FSCN2: variants seen among roughly 807,000 people sequenced by gnomAD.
The protein encoded by FSCN2 is fascin actin-bundling protein 2, retinal.
A neutral mutation model predicts 37.8 loss-of-function variants in FSCN2; 46 were observed. The ratio of observed to expected loss-of-function variants is 1.22; its 90% CI spans 0.96 to 1.56. FSCN2 has a LOEUF of 1.56. FSCN2 is among the 40% of genes most tolerant of loss of function. FSCN2 has a pLI of 0.00. For synonymous variants in FSCN2, 351 were observed against 309.4 expected, an observed-to-expected ratio of 1.13 and a Z score of -1.41; for missense variants, 844 against 730.4, an observed-to-expected ratio of 1.16 and a Z score of -1.79.
the FSCN2 span, among the ~76,000 whole-genome samples, chr17:81,522,813 T>A: frequency 1.3e-5 from 2 of 152,194 alleles, no homozygotes; most frequent in African/African-American, 4.8e-5. Flanking sequence ...TGAAAGTTGA[T>A]CTGTTCGTCA....
the FSCN2 span, among the ~76,000 whole-genome samples, chr17:81,517,445 G>A: frequency 6.6e-6 from 1 of 152,202 alleles, no homozygotes; most frequent in Admixed American, 6.5e-5. Flanking sequence ...AGGAAGTCTG[G>A]GGACAGGAGG....
chr17:81,519,265 C>T, the FSCN2 span, among the ~76,000 whole-genome samples: 1 of 152,172 alleles, frequency 6.6e-6, no homozygotes, highest in Non-Finnish European at 1.5e-5. Flanking sequence ...TCGACCTCTC[C>T]TGACCGCCAG....
chr17:81,516,102 C>T, the FSCN2 span, among the ~76,000 whole-genome samples: 4 of 152,256 alleles, frequency 2.6e-5, no homozygotes, highest in Non-Finnish European at 5.9e-5. Context: ...CCTAGGCCTT[C>T]CAAAGTGCTG....
At chr17:81,519,549 C>T in the FSCN2 span, among the ~76,000 whole-genome samples, 1 of 152,146 alleles carries the variant, frequency 6.6e-6, no homozygotes, top group South Asian at 2.1e-4. Context: ...GCCGCGAGGC[C>T]GCACCTGTCG....
chr17:81,536,958 T>A lies in FSCN2; in HGVS notation c.1357T>A (p.Phe453Ile), dbSNP rs761786791. The A allele has an allele frequency of 6.4e-7, 1 of 1,558,144 alleles. No individual in the cohort carries two copies. The highest frequency in any genetic ancestry group is 2.5e-5 in the East Asian group (1 of 40,214). Residue 453 changes from phenylalanine (F) to isoleucine (I), a missense_variant, in exon 5 of 5, where the codon TTC (phenylalanine) becomes ATC (isoleucine). By Grantham distance (21) the Phe-to-Ile change is conservative. Coordinates refer to ENST00000417245, the MANE Select transcript of FSCN2 (RefSeq NM_012418.4). ...GERAEDFVFEFRERGRLAIRA... is the reference protein window; with the variant it reads ...GERAEDFVFEIRERGRLAIRA... ...ACGCGCCGAGGACTTCGTCTTCGAGTTCCGTGAGCGCGGCCGCCTGGCCAT... is the reference window on the plus strand; with the variant it reads ...ACGCGCCGAGGACTTCGTCTTCGAGATCCGTGAGCGCGGCCGCCTGGCCAT...
chr17:81,523,700 T>A (rs982498560), upstream of FSCN2: 6 of 152,308 alleles, frequency 3.9e-5, no homozygotes, highest in African/African-American at 1.4e-4. Flanking sequence ...GGCCTGGCAC[T>A]GAGGTGGGGG....
Position 81,536,883 on chromosome 17 carries a change from G to A in FSCN2, c.1282G>A (p.Gly428Arg), listed in dbSNP as rs776065354. 5.0e-5 allele frequency: 78 copies of A among 1,572,554 alleles called. 7 individuals carry two copies. The South Asian group carries it at 8.0e-4, about 16-fold the overall frequency. ...GCCGTCCCGTCCCCCAGGCCGCGAC[G>A]GAGGGTTCTGGTACACGGGCAGCCA... The part of the protein sequence containing the change: ...DGAYRIRGRD[G>R]GFWYTGSHGS... Residue 428 changes from glycine to arginine, a missense_variant, in exon 5 of 5, where the codon GGA becomes AGA. Physicochemically the swap from Gly to Arg is moderately radical, Grantham distance 125. Transcript: ENST00000417245.
chr17:81,531,848 G>GATA, intron 1 of FSCN2, among the ~76,000 whole-genome samples: 1 of 131,692 alleles, frequency 7.6e-6, no homozygotes, highest in African/African-American at 3.8e-5. Flanking sequence ...TGGTGGTGAT[G>GATA]GTGATGGTGG....
At chr17:81,519,951 G>T in the FSCN2 span, among the ~76,000 whole-genome samples, 1 of 152,230 alleles carries the variant, frequency 6.6e-6, no homozygotes, top group Admixed American at 6.5e-5. Context: ...AAAGGAAGGG[G>T]CTGAGAGGCT....
intron 1 of FSCN2, chr17:81,530,682 TG>T: frequency 2.1e-6 from 1 of 485,620 alleles, no homozygotes; most frequent in Admixed American, 2.4e-5. Context: ...CCAGGCCCCC[TG>T]GGTACACTGA....
chr17:81,531,336 A>ATGGTGATGATGGTGGTGGTGGTGGTGG (rs1568077174), intron 1 of FSCN2, among the ~76,000 whole-genome samples: 9 of 45,470 alleles, frequency 2.0e-4, no homozygotes, highest in African/African-American at 7.3e-4. Context: ...GGTGGTGGTG[A>ATGGTGATGATGGTGGTGGTGGTGGTGG]TGGTGGTGGT....
rs782420651 is a variant in FSCN2, at chr17:81,528,948, G to A, written c.417G>A (p.Pro139=). ...GGACCGTGCACCTGGCCATCCACCCGCAGGCCCACCTGCTGAGCGTGAGCC... is the reference window on the plus strand; with the variant it reads ...GGACCGTGCACCTGGCCATCCACCCACAGGCCCACCTGCTGAGCGTGAGCC... ...ELWTVHLAIH[P]QAHLLSVSRR... The change falls in exon 1 of 5, where the codon CCG becomes CCA. Residue 139 remains proline (P), a synonymous_variant. Coordinates refer to ENST00000417245, the MANE Select transcript of FSCN2 (RefSeq NM_012418.4). The A allele has an allele frequency of 3.7e-5, 59 of 1,590,130 alleles. No individual in the cohort carries two copies. Among genetic ancestry groups the A allele is most frequent in the African/African-American group, 5.4e-5 (4 of 74,658 alleles).
rs2032454308 is a variant in FSCN2 at position 81,529,032 on chromosome 17, G to A, written c.501G>A (p.Lys167=). 10 of 1,588,828 alleles carry A rather than the reference G, an allele frequency of 6.3e-6. No homozygotes were observed. Among genetic ancestry groups the A allele is most frequent in the Middle Eastern group, 1.7e-4 (1 of 6,038 alleles). Residue 167 remains lysine (K), a synonymous_variant, in exon 1 of 5, where the codon AAG becomes AAA. Transcript: ENST00000417245. ...ACGAGATGGCCGCAGACGGAGACAAGCCCTGGGGCGTGGACGCCCTCCTCA... is the reference window on the plus strand; with the variant it reads ...ACGAGATGGCCGCAGACGGAGACAAACCCTGGGGCGTGGACGCCCTCCTCA... ...REDEMAADGD[K]PWGVDALLTL...
At chr17:81,515,147 C>A in the FSCN2 span, among the ~76,000 whole-genome samples, 225 of 152,204 alleles carry the variant, frequency 1.5e-3, 6 homozygotes, top group East Asian at 0.037. Context: ...AGGGCGAGGC[C>A]TGGAGCCCGC....
At chr17:81,529,589 A>G in intron 1 of FSCN2, 1 of 747,688 alleles carries the variant, frequency 1.3e-6, no homozygotes, top group Non-Finnish European at 2.5e-6. Context: ...GTCAGAGGCA[A>G]GGGTTCCTGG....
chr17:81,532,752 ATGATGG>A (rs1568080007), intron 1 of FSCN2, among the ~76,000 whole-genome samples: 1 of 144,854 alleles, frequency 6.9e-6, no homozygotes. Context: ...GATGACAGTG[ATGATGG>A]TGATGGTGGT....
At position 81,536,335 on chromosome 17, in the gene FSCN2, C is replaced by T. The variant is rs1759670804; in HGVS notation, c.1105+68C>T. 5.9e-6 allele frequency: 9 copies of T among 1,531,694 alleles called. No homozygotes were observed. The Admixed American group carries it at 7.8e-5, about 13-fold the overall frequency. The allele number at this position is 1,531,694 out of a possible 1,614,324, so 94.9% of individuals were successfully genotyped here. A position where few individuals can be genotyped will look rare whatever the true frequency, so the allele number is the denominator to read the frequency against. The stretch of plus-strand genomic sequence containing the variant: ...CACCCAGGGAAAGGACCTGCCCAGA[C>T]ACCCCATCTCCACCAAGAGCTGGAC... On this transcript the variant is annotated intron_variant, in intron 3 of 4. Transcript: ENST00000417245.
At chr17:81,522,693 G>A in the FSCN2 span, among the ~76,000 whole-genome samples, 1 of 151,450 alleles carries the variant, frequency 6.6e-6, no homozygotes, top group African/African-American at 2.4e-5. Flanking sequence ...GCAGGGGCTG[G>A]GCAGAGGCCG....
intron 1 of FSCN2, among the ~76,000 whole-genome samples, chr17:81,531,243 A>ATGGTGG: frequency 1.5e-5 from 1 of 66,576 alleles, no homozygotes; most frequent in Admixed American, 1.5e-4. Flanking sequence ...GATGGTGGTG[A>ATGGTGG]TGATGGTGAT....
Sources: gnomAD v4.1 joint callset for allele counts (sites outside exome capture counted in the v4.1 genomes callset) on GRCh38, gnomAD v4.1.1 for gene constraint, MANE v1.5 for transcripts, NCBI Gene and HGNC (gene_info 2026-07-23, HGNC 2026-07-21) for gene names.